Variants in ABCF1 observed in about 807,000 individuals in gnomAD.
ABCF1 encodes ATP-binding cassette sub-family F member 1.
A neutral mutation model predicts 126.3 loss-of-function variants in ABCF1; 73 were observed. The observed-to-expected ratio is 0.58, with a 90% CI of 0.48 to 0.70. ABCF1 has a LOEUF of 0.70. ABCF1 is among the 30% of genes least tolerant of loss of function. The probability of loss-of-function intolerance (pLI) is 0.00; values close to 1 mark genes in which losing one functional copy is unlikely to be tolerated. For synonymous variants in ABCF1, 345 were observed against 396.4 expected (o/e 0.87, Z 1.54); for missense variants, 786 against 1,057.5 (o/e 0.74, Z 3.56).
At chr6:30,585,760 A>G in intron 16 of ABCF1, 78 bp downstream of exon 16, 1 of 1,586,790 alleles carries the variant, frequency 6.3e-7, no homozygotes, top group Non-Finnish European at 8.6e-7. Context: ...CTATTTAGAT[A>G]AACTGAATCC....
In ABCF1 at chr6:30,583,967, A is replaced by G; in HGVS notation, c.1102+77A>G. ...AAAGCCAGCCAGCCAAGAATAGAAG[A>G]AATTGTGGCTATGGAGTTGGAAGGG... On this transcript the variant is annotated intron_variant, in intron 12 of 24. Transcript: ENST00000326195. This position sits in a 1 kb window ranked among gnomAD's most constrained non-coding sequence, Gnocchi z 4.1. 1 of 1,538,578 alleles carries G rather than the reference A, an allele frequency of 6.5e-7. No homozygotes were observed. The highest frequency in any genetic ancestry group is 1.1e-5 in the South Asian group (1 of 88,356).
chr6:30,571,593 A>G (rs754532939), intron 1 of ABCF1, 33 bp downstream of exon 1: 3 of 1,597,950 alleles, frequency 1.9e-6, no homozygotes, highest in African/African-American at 2.7e-5. Flanking sequence ...AAACGAGCAG[A>G]GGGGGAAGAG....
In ABCF1 at chr6:30,584,515, G is replaced by A. The variant is rs1284313988; in HGVS notation, c.1340G>A (p.Arg447Gln). 2.5e-6 allele frequency: 4 copies of A among 1,612,560 alleles called. No homozygotes were observed. Among genetic ancestry groups the A allele is most frequent in the East Asian group, 2.2e-5 (1 of 44,890 alleles). ...GLGFDPEMQN[R>Q]PTQKFSGGWR... Reference sequence around the variant, plus strand: ...GGCTTTGACCCTGAAATGCAGAATCGACCCACACAGAAGTTCTCAGGGGGC... The same window carrying A: ...GGCTTTGACCCTGAAATGCAGAATCAACCCACACAGAAGTTCTCAGGGGGC... The change falls in exon 14 of 25, where the codon CGA becomes CAA. Residue 447 changes from arginine (R) to glutamine (Q), a missense_variant. Coordinates refer to ENST00000326195, the MANE Select transcript of ABCF1 (RefSeq NM_001025091.2). This position sits in a 1 kb window ranked among gnomAD's most constrained non-coding sequence, Gnocchi z 4.6.
chr6:30,575,872 T>C (rs1287925125), intron 1 of ABCF1, among the ~76,000 whole-genome samples: 1 of 152,072 alleles, frequency 6.6e-6, no homozygotes, highest in Non-Finnish European at 1.5e-5. Flanking sequence ...AGGTTCAGGA[T>C]TAGCCTGAGC....
chr6:30,572,860 A>C (rs1021505371), intron 1 of ABCF1, among the ~76,000 whole-genome samples: 1 of 152,172 alleles, frequency 6.6e-6, no homozygotes, highest in African/African-American at 2.4e-5. Context: ...ATTCCAAGCC[A>C]AGGAAGTTTG....
rs143982339 is a variant in ABCF1, at chr6:30,586,413, CAT to C, written c.1886-60_1886-59del. ...TTGCTCCTGTTCTCCAAGGCCAGCA[CAT>C]GAGAGGGACTTTGCAGGGACTGAAA... On this transcript the variant is annotated intron_variant, in intron 18 of 24. Coordinates refer to ENST00000326195, the MANE Select transcript of ABCF1 (RefSeq NM_001025091.2). This position sits in a 1 kb window ranked among gnomAD's most constrained non-coding sequence, Gnocchi z 4.9. 2.0e-3 allele frequency: 3,211 copies of C among 1,610,248 alleles called. 143 individuals carry two copies. In the East Asian group the frequency reaches 0.067, roughly 34 times the overall value.
intron 14 of ABCF1, 28 bp from the exon 15 acceptor site, chr6:30,585,226 TCCCTGA>T (rs1802047831): frequency 1.9e-6 from 3 of 1,585,094 alleles, no homozygotes; most frequent in Middle Eastern, 1.7e-4. Context: ...GATCTTTCTC[TCCCTGA>T]CCCTGCCCTC....
chr6:30,574,149 GT>G lies in ABCF1; in HGVS notation c.73+2601del, dbSNP rs536648577. Among the ~76,000 whole-genome samples the G allele has an allele frequency of 0.016, 2,311 of 143,952 alleles. 32 individuals carry two copies. The highest frequency in any genetic ancestry group is 0.032 in the Middle Eastern group (9 of 282). The allele number at this position is 143,952 out of a possible 152,430, so 94.4% of individuals were successfully genotyped here. A position where few individuals can be genotyped will look rare whatever the true frequency, so the allele number is the denominator to read the frequency against. On this transcript the variant is annotated intron_variant, in intron 1 of 24. Transcript: ENST00000326195. This position sits in a 1 kb window ranked among gnomAD's most constrained non-coding sequence, Gnocchi z 4.3. ...CAAAAGATTTTTTTGGTTTTGGTGG[GT>G]TTTTTTTTTTTGTGACGGAGCCTCA...
chr6:30,585,991 G>A lies in ABCF1; in HGVS notation c.1713G>A (p.Ala571=), dbSNP rs146516890. 5.8e-5 allele frequency: 93 copies of A among 1,607,476 alleles called. No individual in the cohort carries two copies. Among genetic ancestry groups the A allele is most frequent in the Non-Finnish European group, 6.8e-5 (80 of 1,176,520 alleles). Residue 571 remains alanine, a splice_region_variant and synonymous_variant, in exon 17 of 25, where the codon GCG becomes GCA. Coordinates refer to ENST00000326195, the MANE Select transcript of ABCF1 (RefSeq NM_001025091.2). The part of the protein sequence containing the change: ...LKAGGKSTKQ[A]EKQTKEALTR... Reference sequence around the variant, plus strand: ...CAGGCGGGAAGTCCACCAAGCAGGCGGTGAGCACCTGAGGGACTTCTGGGC... The same window carrying A: ...CAGGCGGGAAGTCCACCAAGCAGGCAGTGAGCACCTGAGGGACTTCTGGGC...
intron 1 of ABCF1, 150 bp downstream of exon 1, chr6:30,571,710 G>A (rs1419435350): frequency 3.7e-6 from 3 of 806,892 alleles, no homozygotes; most frequent in South Asian, 1.7e-5. Flanking sequence ...GGAGTTTGCC[G>A]GGGAGGAGTG....
intron 8 of ABCF1, 43 bp downstream of exon 8, chr6:30,580,562 G>T: frequency 8.2e-7 from 1 of 1,219,262 alleles, no homozygotes; most frequent in Non-Finnish European, 1.1e-6. Context: ...AGGGACTAGG[G>T]CTTCCAGGGT....
chr6:30,580,116 G>C lies in ABCF1; in HGVS notation c.564+111G>C, dbSNP rs111709005. 1,596 of 1,054,086 alleles carry C rather than the reference G, an allele frequency of 1.5e-3. 16 individuals carry two copies. In the African/African-American group the frequency reaches 0.023, roughly 15 times the overall value. 65.3% of individuals were successfully genotyped at this position (1,054,086 alleles called of 1,614,324 possible). ...AATCCCAGCACTTTGGGAGGCCGAG[G>C]TGGGCGGATCACGAGGTCAGGAGAT... On this transcript the variant is annotated intron_variant, in intron 7 of 24. Transcript: ENST00000326195.
chr6:30,580,520 G>A lies in ABCF1; in HGVS notation c.678+1G>A, dbSNP rs1362314662. The A allele has an allele frequency of 6.6e-7, 1 of 1,503,990 alleles. No homozygotes were observed. Among genetic ancestry groups the A allele is most frequent in the Non-Finnish European group, 8.8e-7 (1 of 1,136,504 alleles). The allele number at this position is 1,503,990 out of a possible 1,614,324, so 93.2% of individuals were successfully genotyped here. On this transcript the variant is annotated splice_donor_variant, in intron 8 of 24. Transcript: ENST00000326195. LOFTEE classifies it high-confidence loss of function. ...GGAGAAGGCCAAGAAGGCAGAGCAG[G>A]TGTGTATTTGGTGTTGGGGCAAGGT...
At chr6:30,589,564 C>T (rs1488000290) in intron 20 of ABCF1, 124 bp from the exon 21 acceptor site, 2 of 1,146,882 alleles carry the variant, frequency 1.7e-6, no homozygotes, top group African/African-American at 1.6e-5. Context: ...GATCGCGCCA[C>T]TGCACTCCAG....
intron 24 of ABCF1, 56 bp from the exon 25 acceptor site, chr6:30,590,479 G>T: frequency 6.3e-7 from 1 of 1,582,312 alleles, no homozygotes; most frequent in Non-Finnish European, 8.6e-7. Context: ...TTCATGTTCT[G>T]ATTCCCCTCT....
intron 9 of ABCF1, among the ~76,000 whole-genome samples, chr6:30,582,789 G>A (rs1801893057): frequency 6.6e-6 from 1 of 152,120 alleles, no homozygotes; most frequent in Non-Finnish European, 1.5e-5. Context: ...AACCTACCAG[G>A]CTCAAGTGAT....
chr6:30,589,947 C>T lies in ABCF1; in HGVS notation c.2206C>T (p.His736Tyr). 1.2e-6 allele frequency: 2 copies of T among 1,613,762 alleles called. No homozygotes were observed. The highest frequency in any genetic ancestry group is 8.5e-7 in the Non-Finnish European group (1 of 1,180,046). The change falls in exon 22 of 25, where the codon CAC (histidine) becomes TAC (tyrosine). Residue 736 changes from histidine (H) to tyrosine (Y), a missense_variant. Physicochemically the swap from His to Tyr is moderately conservative, Grantham distance 83. This residue lies in a region of ABCF1 where 288 missense variants were observed against 423.5 expected (regional missense o/e 0.68). Coordinates refer to ENST00000326195, the MANE Select transcript of ABCF1 (RefSeq NM_001025091.2). ...CCGCTTCGGCCTGGAGAGTCACGCCCACACCATCCAGATCTGCAAACTCTC... is the reference window on the plus strand; with the variant it reads ...CCGCTTCGGCCTGGAGAGTCACGCCTACACCATCCAGATCTGCAAACTCTC... The part of the protein sequence containing the change: ...LGRFGLESHA[H>Y]TIQICKLSGG...
In ABCF1 at chr6:30,584,426, G is replaced by T. The variant is rs1203898118; in HGVS notation, c.1251G>T (p.Glu417Asp). 12 of 1,613,004 alleles carry T rather than the reference G, an allele frequency of 7.4e-6. No individual in the cohort carries two copies. Among genetic ancestry groups the T allele is most frequent in the Admixed American group, 1.7e-5 (1 of 60,002 alleles). The part of the protein sequence containing the change: ...TAAERLEKVY[E>D]ELRATGAAAA... ...CTTCTCCCTCCTCCCAGGTGTATGA[G>T]GAATTGCGGGCCACTGGGGCGGCAG... The change falls in exon 14 of 25, where the codon GAG becomes GAT. Residue 417 changes from glutamate to aspartate, a missense_variant. By Grantham distance (45) the Glu-to-Asp change is conservative. Transcript: ENST00000326195. This position sits in a 1 kb window ranked among gnomAD's most constrained non-coding sequence, Gnocchi z 4.6.
At chr6:30,572,324 T>A (rs1801294627) in intron 1 of ABCF1, among the ~76,000 whole-genome samples, 1 of 152,148 alleles carries the variant, frequency 6.6e-6, no homozygotes, top group African/African-American at 2.4e-5. Context: ...AGATAAAAGA[T>A]AAGACTTTCC....
Sources: gnomAD v4.1 joint callset for allele counts (sites outside exome capture counted in the v4.1 genomes callset) on GRCh38, gnomAD v4.1.1 for gene constraint, gnomAD v4.1.1 regional missense constraint, Gnocchi (gnomAD v3.1) non-coding constraint, MANE v1.5 for transcripts, NCBI Gene and HGNC (gene_info 2026-07-23, HGNC 2026-07-21) for gene names.